The following FNBP4 variants were observed in gnomAD, a reference collection of about 807,000 sequenced individuals.
FNBP4 encodes formin binding protein 4.
In FNBP4, 34 loss-of-function variants were observed where a neutral mutation model predicts 119.3. That is an observed-to-expected ratio of 0.28 (90% CI 0.22 to 0.38). The LOEUF is 0.38. FNBP4 is among the 10% of genes least tolerant of loss of function. The pLI, the probability that FNBP4 is intolerant of heterozygous loss-of-function variation, is 1.00. For synonymous variants in FNBP4, 462 were observed against 430.6 expected (o/e 1.07, Z -0.90); for missense variants, 1,112 against 1,228.9 (o/e 0.90, Z 1.42).
chr11:47,727,734 G>A (rs1022728996), intron 12 of FNBP4, among the ~76,000 whole-genome samples: 20 of 152,088 alleles, frequency 1.3e-4, no homozygotes, highest in African/African-American at 3.9e-4. Flanking sequence ...TTTATCTTAC[G>A]AAGACCATCA....
chr11:47,724,945 G>C (rs1240989510), intron 12 of FNBP4, 167 bp from the exon 13 acceptor site: 3 of 1,067,254 alleles, frequency 2.8e-6, no homozygotes, highest in Non-Finnish European at 3.8e-6. Context: ...CTCCTTCCTT[G>C]AAAAAAATTT....
At chr11:47,765,568 G>GC (rs1491124252) in intron 1 of FNBP4, among the ~76,000 whole-genome samples, 2 of 18,600 alleles carry the variant, frequency 1.1e-4, no homozygotes, top group Admixed American at 8.3e-4. Context: ...AGGCCAAGAC[G>GC]GGGGGGGGGG....
intron 2 of FNBP4, among the ~76,000 whole-genome samples, chr11:47,760,259 ATT>A (rs199885568): frequency 0.32 from 40,829 of 127,234 alleles, 6,042 homozygotes; most frequent in South Asian, 0.46. Context: ...TTGATCAAAC[ATT>A]TTTTTTTTTT....
intron 12 of FNBP4, 77 bp downstream of exon 12, chr11:47,731,297 C>A (rs2097567112): frequency 3.0e-6 from 4 of 1,355,486 alleles, no homozygotes; most frequent in East Asian, 2.5e-5. Context: ...GACATAAAAT[C>A]TTTTAATAAT....
chr11:47,719,369 G>C (rs950743252), intron 16 of FNBP4, among the ~76,000 whole-genome samples: 12 of 152,162 alleles, frequency 7.9e-5, no homozygotes, highest in Non-Finnish European at 2.9e-5. Context: ...TTAGTTCCTA[G>C]TGTGGTGTGC....
chr11:47,734,001 A>AG (rs1491510965), intron 10 of FNBP4, 24 bp downstream of exon 10: 2 of 91,340 alleles, frequency 2.2e-5, no homozygotes, highest in East Asian at 4.0e-4. Context: ...TGTTTATGCC[A>AG]AAAAAAAAAA....
intron 7 of FNBP4, among the ~76,000 whole-genome samples, chr11:47,745,369 T>C (rs1029084342): frequency 6.6e-6 from 1 of 152,058 alleles, no homozygotes; most frequent in Admixed American, 6.6e-5. Context: ...GGGGAAGGAA[T>C]GCATTCCTGG....
chr11:47,719,576 A>ATGTGTGTG (rs66711141), intron 16 of FNBP4, among the ~76,000 whole-genome samples: 272 of 147,798 alleles, frequency 1.8e-3, no homozygotes, highest in African/African-American at 5.7e-3. Flanking sequence ...TTATGTGTGT[A>ATGTGTGTG]TGTGTGTGTG....
At position 47,732,409 on chromosome 11, in the gene FNBP4, T is replaced by G; in HGVS notation, c.1820+128A>C. 2 of 1,521,734 alleles carry G rather than the reference T, an allele frequency of 1.3e-6. No homozygotes were observed. The highest frequency in any genetic ancestry group is 1.8e-6 in the Non-Finnish European group (2 of 1,136,756). The allele number at this position is 1,521,734 out of a possible 1,614,324, so 94.3% of individuals were successfully genotyped here. On this transcript the variant is annotated intron_variant, in intron 11 of 16. Coordinates refer to ENST00000263773, the MANE Select transcript of FNBP4 (RefSeq NM_015308.5). The surrounding 1 kb of genome is among the most constrained non-coding windows in gnomAD (Gnocchi z 4.2). ...AACTTTGTGCTTGCGGTGCTTTGCC[T>G]GCCCAGCACCGCTAACTGCAGCTGC...
chr11:47,751,301 A>G lies in FNBP4; in HGVS notation c.638-11T>C. On this transcript the variant is annotated splice_polypyrimidine_tract_variant and intron_variant, in intron 4 of 16. Transcript: ENST00000263773. ...CCATCTCAATTCCGACTAGAAGATA[A>G]AACAAATTTTAAGCACAAATCCCTC... 1 of 1,613,782 alleles carries G rather than the reference A, an allele frequency of 6.2e-7. No individual in the cohort carries two copies. Among genetic ancestry groups the G allele is most frequent in the Non-Finnish European group, 8.5e-7 (1 of 1,179,816 alleles).
At chr11:47,753,292 T>A (rs1275879773) in intron 3 of FNBP4, among the ~76,000 whole-genome samples, 190 bp from the exon 4 acceptor site, 1 of 152,010 alleles carries the variant, frequency 6.6e-6, no homozygotes, top group Non-Finnish European at 1.5e-5. Flanking sequence ...CTGGCCAACA[T>A]GGTGAAATCT....
At chr11:47,757,920 T>C (rs1002439766) in intron 2 of FNBP4, among the ~76,000 whole-genome samples, 2 of 152,142 alleles carry the variant, frequency 1.3e-5, no homozygotes, top group Non-Finnish European at 2.9e-5. Context: ...AATGATTCTC[T>C]TGCCTCAGCA....
At chr11:47,753,895 T>C (rs2097609875) in intron 3 of FNBP4, among the ~76,000 whole-genome samples, 1 of 152,158 alleles carries the variant, frequency 6.6e-6, no homozygotes, top group South Asian at 2.1e-4. Flanking sequence ...AATTTGCCTT[T>C]CTTCTCTTTG....
chr11:47,755,466 T>A (rs1042820006), intron 2 of FNBP4, among the ~76,000 whole-genome samples: 31 of 150,798 alleles, frequency 2.1e-4, no homozygotes, highest in Non-Finnish European at 3.2e-4. Flanking sequence ...AATAAATAAA[T>A]AAAATAAAAA....
rs1171966782 is a variant in FNBP4 at position 47,717,519 on chromosome 11, AAAC to A, written c.2964-10_2964-8del. ...ATTTCTCTCTGCCATGCCACTGTGA[AAAC>A]AACATACAGATTATTTTAGTGGAAA... is the stretch of plus-strand genomic sequence containing the variant. On this transcript the variant is annotated splice_region_variant and splice_polypyrimidine_tract_variant and intron_variant, in intron 16 of 16. Coordinates refer to ENST00000263773, the MANE Select transcript of FNBP4 (RefSeq NM_015308.5). 3 of 1,599,440 alleles carry A rather than the reference AAAC, an allele frequency of 1.9e-6. No individual in the cohort carries two copies. The highest frequency in any genetic ancestry group is 1.3e-5 in the African/African-American group (1 of 74,790).
Position 47,717,441 on chromosome 11 carries a change from T to A in FNBP4, c.3035A>T (p.Lys1012Ile). 6.2e-7 allele frequency: 1 copy of A among 1,612,258 alleles called. No individual in the cohort carries two copies. Among genetic ancestry groups the A allele is most frequent in the Non-Finnish European group, 8.5e-7 (1 of 1,179,506 alleles). ...TAAAAACTATGTGTTTGGAGCCATT[T>A]TCCTTCTCTTCAGCCTTGCTCTCCA... is the stretch of plus-strand genomic sequence containing the variant. ...EDWRARLKRR[K>I]MAPNT The change falls in exon 17 of 17, where the codon AAA becomes ATA. Residue 1012 changes from lysine to isoleucine, a missense_variant. By Grantham distance (102) the Lys-to-Ile change is moderately radical. Coordinates refer to ENST00000263773, the MANE Select transcript of FNBP4 (RefSeq NM_015308.5).
At chr11:47,742,750 C>T (rs368728675) in intron 8 of FNBP4, among the ~76,000 whole-genome samples, 2 of 151,652 alleles carry the variant, frequency 1.3e-5, no homozygotes, top group South Asian at 2.1e-4. Flanking sequence ...ATTAGCTGGG[C>T]GTGGTGACGG....
intron 12 of FNBP4, among the ~76,000 whole-genome samples, chr11:47,727,433 A>G (rs543162325): frequency 4.6e-5 from 7 of 152,018 alleles, no homozygotes; most frequent in African/African-American, 1.7e-4. Flanking sequence ...TATTTTTAGT[A>G]AGAGAGGGGT....
At chr11:47,764,092 C>T (rs899374787) in intron 2 of FNBP4, among the ~76,000 whole-genome samples, 1 of 151,946 alleles carries the variant, frequency 6.6e-6, no homozygotes, top group Non-Finnish European at 1.5e-5. Flanking sequence ...GAAGTTTCTC[C>T]TAGAAACATT....
Sources: allele counts gnomAD v4.1 joint callset (sites outside exome capture counted in the v4.1 genomes callset), GRCh38; gene constraint gnomAD v4.1.1; non-coding constraint Gnocchi (gnomAD v3.1); transcripts MANE v1.5; gene names NCBI Gene and HGNC (gene_info 2026-07-23, HGNC 2026-07-21).